Variants in KCNIP4 observed in about 807,000 individuals in gnomAD.
KCNIP4 encodes the protein Kv channel-interacting protein 4.
In KCNIP4, 12 loss-of-function variants were observed where a neutral mutation model predicts 34.0. The observed-to-expected ratio is 0.35, with a 90% confidence interval of 0.23 to 0.57. The LOEUF (loss-of-function observed/expected upper bound fraction) is 0.57. Among genes scored for constraint, KCNIP4 ranks in the 20% least tolerant of loss-of-function variants. KCNIP4 has a pLI of 0.83. For missense variants in KCNIP4, 238 were observed against 311.7 expected, an observed-to-expected ratio of 0.76 and a Z score of 1.78; for synonymous variants, 124 against 102.2, an observed-to-expected ratio of 1.21 and a Z score of -1.29.
At chr4:21,946,375 T>C (rs1237902042) in intron 1 of KCNIP4, among the ~76,000 whole-genome samples, 3 of 152,176 alleles carry the variant, frequency 2.0e-5, no homozygotes, top group Non-Finnish European at 4.4e-5. Context: ...GGAAAAACTG[T>C]ATCATAGTAC....
chr4:21,263,432 G>A (rs990536678), intron 1 of KCNIP4, among the ~76,000 whole-genome samples: 5 of 152,130 alleles, frequency 3.3e-5, no homozygotes, highest in African/African-American at 1.2e-4. Flanking sequence ...TGTTCTATGT[G>A]AAGTTTACTT....
chr4:20,738,896 G>C (rs776744000), intron 5 of KCNIP4, among the ~76,000 whole-genome samples: 9 of 152,142 alleles, frequency 5.9e-5, no homozygotes, highest in Admixed American at 3.9e-4. Flanking sequence ...TGCCAATATT[G>C]TGCTTTTCCA....
chr4:21,109,831 T>C (rs1748998483), intron 1 of KCNIP4, among the ~76,000 whole-genome samples: 3 of 152,300 alleles, frequency 2.0e-5, no homozygotes, highest in South Asian at 4.1e-4. Flanking sequence ...CTTCTTTTGA[T>C]CTTAGATGCT....
chr4:21,099,563 C>G (rs188030214), intron 1 of KCNIP4, among the ~76,000 whole-genome samples: 1 of 151,932 alleles, frequency 6.6e-6, no homozygotes, highest in African/African-American at 2.4e-5. Flanking sequence ...ACATGGCACA[C>G]GTTTACCTAT....
intron 1 of KCNIP4, among the ~76,000 whole-genome samples, chr4:21,395,968 C>G (rs988311741): frequency 6.6e-6 from 1 of 151,968 alleles, no homozygotes; most frequent in African/African-American, 2.4e-5. Flanking sequence ...ATTTACTTTA[C>G]GTAAAGGGCT....
intron 1 of KCNIP4, among the ~76,000 whole-genome samples, chr4:21,817,304 G>C (rs1722045220): frequency 6.6e-6 from 1 of 152,136 alleles, no homozygotes; most frequent in Admixed American, 6.6e-5. Flanking sequence ...TCTTACACCT[G>C]TCTTTAATCT....
intron 1 of KCNIP4, among the ~76,000 whole-genome samples, chr4:21,137,948 T>G (rs1384005698): frequency 6.9e-6 from 1 of 144,604 alleles, no homozygotes; most frequent in Non-Finnish European, 1.5e-5. Context: ...CTCAGCTCAC[T>G]GCAACCTCTG....
intron 1 of KCNIP4, among the ~76,000 whole-genome samples, chr4:21,289,431 A>G (rs907667139): frequency 8.5e-5 from 13 of 152,180 alleles, no homozygotes; most frequent in African/African-American, 3.1e-4. Flanking sequence ...TAACTATCCC[A>G]TAGCATAGAG....
chr4:21,430,302 C>G (rs577734627), intron 1 of KCNIP4, among the ~76,000 whole-genome samples: 1 of 151,866 alleles, frequency 6.6e-6, no homozygotes, highest in African/African-American at 2.4e-5. Flanking sequence ...GTGATAACGG[C>G]TTTTACAAAT....
At chr4:21,001,263 G>A (rs1738110184) in intron 1 of KCNIP4, among the ~76,000 whole-genome samples, 1 of 152,140 alleles carries the variant, frequency 6.6e-6, no homozygotes, top group Non-Finnish European at 1.5e-5. Context: ...AGAGAAAAAA[G>A]TTCAATTTCC....
intron 1 of KCNIP4, among the ~76,000 whole-genome samples, chr4:21,005,047 CAT>C: frequency 1.3e-5 from 2 of 152,244 alleles, no homozygotes; most frequent in South Asian, 4.1e-4. Context: ...AACTGAGACT[CAT>C]GTGAATAGCA....
chr4:20,751,411 G>A (rs568390715), intron 4 of KCNIP4, among the ~76,000 whole-genome samples: 3 of 152,030 alleles, frequency 2.0e-5, no homozygotes, highest in African/African-American at 7.2e-5. Flanking sequence ...TCAAGAATTG[G>A]CAGCCTATTT....
At chr4:21,930,378 C>T (rs1578155295) in intron 1 of KCNIP4, among the ~76,000 whole-genome samples, 1 of 152,112 alleles carries the variant, frequency 6.6e-6, no homozygotes, top group Non-Finnish European at 1.5e-5. Flanking sequence ...TAACTAGTTC[C>T]CATGACTTCT....
intron 1 of KCNIP4, among the ~76,000 whole-genome samples, chr4:21,069,106 A>C (rs182686053): frequency 3.3e-5 from 5 of 152,322 alleles, no homozygotes; most frequent in Admixed American, 3.3e-4. Context: ...GCTCTTTGTA[A>C]AATGCATAGA....
intron 3 of KCNIP4, among the ~76,000 whole-genome samples, chr4:20,813,519 G>A (rs1298166650): frequency 6.6e-6 from 1 of 152,106 alleles, no homozygotes; most frequent in East Asian, 1.9e-4. Context: ...TTAACAGCTA[G>A]TGCTTAGGTT....
intron 1 of KCNIP4, among the ~76,000 whole-genome samples, chr4:21,506,966 T>C (rs1164805914): frequency 1.3e-5 from 2 of 152,018 alleles, no homozygotes; most frequent in African/African-American, 4.8e-5. Flanking sequence ...TTTTTTTGTG[T>C]GTGTGCAGAT....
At chr4:21,325,381 T>A (rs528906125) in intron 1 of KCNIP4, among the ~76,000 whole-genome samples, 1 of 152,026 alleles carries the variant, frequency 6.6e-6, no homozygotes, top group Non-Finnish European at 1.5e-5. Context: ...TCCAATTTAT[T>A]GGTATATAGT....
chr4:21,654,925 A>G (rs1451454103), intron 1 of KCNIP4, among the ~76,000 whole-genome samples: 1 of 150,902 alleles, frequency 6.6e-6, no homozygotes, highest in Non-Finnish European at 1.5e-5. Context: ...CTCTGTCTCA[A>G]AAAAAAAAGG....
Position 21,718,434 on chromosome 4 carries a change from A to G in KCNIP4, c.61+230137T>C, listed in dbSNP as rs1714551437. On this transcript the variant is annotated intron_variant, in intron 1 of 8. Coordinates refer to ENST00000382152, the MANE Select transcript of KCNIP4 (RefSeq NM_025221.6). ...ATTAACAATTATGTATTCAACCAAA[A>G]TAATACTGAAAGGTTTTTTTTGTTT... The G allele has an allele frequency of 2.0e-5, 3 of 152,194 alleles. No homozygotes were observed. In the South Asian group the frequency reaches 6.2e-4, roughly 31 times the overall value. 9.4% of individuals were successfully genotyped at this position (152,194 alleles called of 1,614,324 possible).
Sources: gnomAD v4.1 joint callset for allele counts (sites outside exome capture counted in the v4.1 genomes callset) on GRCh38, gnomAD v4.1.1 for gene constraint, MANE v1.5 for transcripts, NCBI Gene and HGNC (gene_info 2026-07-23, HGNC 2026-07-21) for gene names.